SGK3: variants seen among roughly 807,000 people sequenced by gnomAD.
SGK3 encodes the protein serine/threonine-protein kinase Sgk3.
In SGK3, 47 loss-of-function variants were observed where a neutral mutation model predicts 68.5. The ratio of observed to expected loss-of-function variants is 0.69; its 90% CI spans 0.54 to 0.87. The LOEUF (loss-of-function observed/expected upper bound fraction) is 0.87, where lower values mean the gene tolerates loss of function less well. Among genes scored for constraint, SGK3 ranks in the 40% least tolerant of loss-of-function variants. SGK3 has a pLI of 0.00. For synonymous variants in SGK3, 181 were observed against 189.1 expected (o/e 0.96, Z 0.35); for missense variants, 479 against 575.5 (o/e 0.83, Z 1.72).
intron 1 of SGK3, among the ~76,000 whole-genome samples, chr8:66,783,485 C>T (rs925734036): frequency 6.6e-6 from 1 of 151,982 alleles, no homozygotes; most frequent in African/African-American, 2.4e-5. Context: ...TGCTTGTGGT[C>T]ATCTAATTTT....
chr8:66,813,949 T>C, intron 5 of SGK3, 21 bp downstream of exon 5: 1 of 1,556,614 alleles, frequency 6.4e-7, no homozygotes, highest in Non-Finnish European at 8.7e-7. Context: ...TTTGTTGCGT[T>C]CTAAAGGGAC....
intron 1 of SGK3, among the ~76,000 whole-genome samples, chr8:66,788,672 A>G (rs1807309200): frequency 6.6e-6 from 1 of 151,940 alleles, no homozygotes; most frequent in African/African-American, 2.4e-5. Flanking sequence ...TATTTGTTTT[A>G]CCTCTTTCTC....
chr8:66,729,650 A>G (rs1805086451), intron 1 of SGK3, among the ~76,000 whole-genome samples: 1 of 152,162 alleles, frequency 6.6e-6, no homozygotes, highest in Non-Finnish European at 1.5e-5. Context: ...TAGGAGCAGA[A>G]GTGCTGGGTC....
chr8:66,853,597 C>T (rs1350744663), intron 16 of SGK3, among the ~76,000 whole-genome samples: 2 of 152,106 alleles, frequency 1.3e-5, no homozygotes, highest in Non-Finnish European at 2.9e-5. Flanking sequence ...TAACAGGTTG[C>T]ATAAAGTATT....
intron 7 of SGK3, 59 bp downstream of exon 7, chr8:66,828,762 G>A (rs1480349283): frequency 6.3e-7 from 1 of 1,585,118 alleles, no homozygotes; most frequent in African/African-American, 1.3e-5. Flanking sequence ...TCTTTTTTGA[G>A]CGTATGCAGA....
intron 4 of SGK3, 31 bp downstream of exon 4, chr8:66,804,478 A>C: frequency 6.2e-7 from 1 of 1,603,738 alleles, no homozygotes; most frequent in African/African-American, 1.3e-5. Context: ...CCAGCTATGA[A>C]GTGATTGTTG....
intron 14 of SGK3, among the ~76,000 whole-genome samples, chr8:66,843,888 G>A (rs561632583): frequency 6.7e-6 from 1 of 149,764 alleles, no homozygotes; most frequent in African/African-American, 2.5e-5. Flanking sequence ...CAGCTGCTTA[G>A]GAGGCGGAGG....
chr8:66,859,528 G>T lies in SGK3; in HGVS notation c.1438G>T (p.Asp480Tyr), dbSNP rs751975471. The change falls in exon 17 of 17, where the codon GAT (aspartate) becomes TAT (tyrosine). Residue 480 changes from aspartate (D) to tyrosine (Y), a missense_variant. This residue lies in a region of SGK3 where 173 missense variants were observed against 214.3 expected (regional missense o/e 0.81). Transcript: ENST00000521198. Reference protein sequence around the residue: ...IVNASVLEADDAFVGFSYAPP... With the variant: ...IVNASVLEADYAFVGFSYAPP... ...GAATGCCAGTGTATTGGAGGCAGAT[G>T]ATGCATTCGTTGGTTTCTCTTATGC... The T allele has an allele frequency of 3.7e-6, 6 of 1,613,570 alleles. 1 individual carries two copies. The South Asian group carries it at 6.6e-5, about 18-fold the overall frequency.
chr8:66,721,656 A>T (rs997100963), intron 1 of SGK3, among the ~76,000 whole-genome samples: 4 of 151,746 alleles, frequency 2.6e-5, no homozygotes, highest in African/African-American at 9.7e-5. Context: ...AAGCATTGGC[A>T]TGAACTATAA....
At chr8:66,720,152 A>G (rs536522207) in intron 1 of SGK3, among the ~76,000 whole-genome samples, 1 of 152,362 alleles carries the variant, frequency 6.6e-6, no homozygotes, top group African/African-American at 2.4e-5. Flanking sequence ...ATCCATCCAA[A>G]TTAACATAAA....
chr8:66,844,850 T>C, intron 14 of SGK3, among the ~76,000 whole-genome samples: 1 of 152,250 alleles, frequency 6.6e-6, no homozygotes, highest in Middle Eastern at 3.2e-3. Flanking sequence ...CACCATCTCT[T>C]CTTTGCCCTT....
In SGK3 at chr8:66,860,605, T is replaced by G. The variant is rs1350747947; in HGVS notation, c.*1024T>G. On this transcript the variant is annotated 3_prime_UTR_variant, in exon 17 of 17. Coordinates refer to ENST00000521198, the MANE Select transcript of SGK3 (RefSeq NM_001033578.3). ...CAAAGATCTGAAGGGTAATAAAATG[T>G]ACTGGATTTTTTAAGGTGGTACCAA... is the stretch of plus-strand genomic sequence containing the variant. The G allele has an allele frequency of 1.3e-5, 2 of 152,218 alleles. No individual in the cohort carries two copies. Among genetic ancestry groups the G allele is most frequent in the African/African-American group, 4.8e-5 (2 of 41,452 alleles). 9.4% of individuals were successfully genotyped at this position (152,218 alleles called of 1,614,324 possible). A position where few individuals can be genotyped will look rare whatever the true frequency, so the allele number is the denominator to read the frequency against.
chr8:66,775,248 G>A (rs1247874513), intron 1 of SGK3: 1 of 152,486 alleles, frequency 6.6e-6, no homozygotes, highest in African/African-American at 2.4e-5. Context: ...GCGCGGCGCA[G>A]GTCCCGGCCG....
intron 1 of SGK3, among the ~76,000 whole-genome samples, chr8:66,760,291 C>T (rs1563613525): frequency 6.7e-6 from 1 of 150,162 alleles, no homozygotes; most frequent in Non-Finnish European, 1.5e-5. Context: ...GAGTTGTTTT[C>T]CTTGATGTGA....
At position 66,793,839 on chromosome 8, in the gene SGK3, A is replaced by AT. The variant is rs770229184; in HGVS notation, c.96+10dup. The AT allele has an allele frequency of 6.2e-7, 1 of 1,609,636 alleles. No homozygotes were observed. Among genetic ancestry groups the AT allele is most frequent in the Non-Finnish European group, 8.5e-7 (1 of 1,177,680 alleles). ...GAAAAAGAAGAGGTTTACTGTAAGT[A>AT]TTTAACATAAAGCATGTGGGAAAAA... On this transcript the variant is annotated splice_region_variant and intron_variant, in intron 2 of 16. Coordinates refer to ENST00000521198, the MANE Select transcript of SGK3 (RefSeq NM_001033578.3).
intron 14 of SGK3, among the ~76,000 whole-genome samples, chr8:66,846,065 C>A (rs1269230981): frequency 6.6e-6 from 1 of 152,006 alleles, no homozygotes; most frequent in East Asian, 1.9e-4. Flanking sequence ...AGAGACCAGT[C>A]CTCTGGTGAA....
At chr8:66,757,944 C>CATAT (rs1368747828) in intron 1 of SGK3, among the ~76,000 whole-genome samples, 2 of 127,244 alleles carry the variant, frequency 1.6e-5, no homozygotes, top group East Asian at 2.6e-4. Flanking sequence ...TATATATATA[C>CATAT]ATATATATAT....
intron 8 of SGK3, among the ~76,000 whole-genome samples, chr8:66,833,791 A>G (rs912384298): frequency 3.9e-5 from 6 of 152,226 alleles, no homozygotes; most frequent in African/African-American, 1.4e-4. Context: ...TCCTGGGTTC[A>G]AGCGATTCTA....
intron 1 of SGK3, among the ~76,000 whole-genome samples, chr8:66,747,565 A>AT (rs994687737): frequency 4.7e-4 from 69 of 148,286 alleles, no homozygotes; most frequent in East Asian, 7.9e-4. Flanking sequence ...TTCTTTTGCC[A>AT]TTTTTTTTTT....
Sources: gnomAD v4.1 joint callset for allele counts (sites outside exome capture counted in the v4.1 genomes callset) on GRCh38, gnomAD v4.1.1 for gene constraint, gnomAD v4.1.1 regional missense constraint, MANE v1.5 for transcripts, NCBI Gene and HGNC (gene_info 2026-07-23, HGNC 2026-07-21) for gene names.